Variants in TTC23 observed in about 807,000 individuals in gnomAD.
The protein encoded by TTC23 is tetratricopeptide repeat domain 23.
TTC23 carries 58 observed loss-of-function variants against 55.1 expected under a neutral mutation model. That is an observed-to-expected ratio of 1.05 (90% CI 0.85 to 1.31). TTC23 has a LOEUF of 1.31. TTC23 is among the 50% of genes most tolerant of loss of function. TTC23 has a pLI of 0.00. For missense variants in TTC23, 516 were observed against 534.4 expected (o/e 0.97, Z 0.34); for synonymous variants, 203 against 199.9 (o/e 1.02, Z -0.13).
rs201370669 is a variant in TTC23, at chr15:99,182,246, T to A, written c.760-7091A>T. Among the ~76,000 whole-genome samples, 499 of 112,724 alleles carry A rather than the reference T, an allele frequency of 4.4e-3. 2 individuals carry two copies. Among genetic ancestry groups the A allele is most frequent in the Non-Finnish European group, 5.3e-3 (285 of 53,530 alleles). The allele number at this position is 112,724 out of a possible 152,430, so 74.0% of individuals were successfully genotyped here. A position where few individuals can be genotyped will look rare whatever the true frequency, so the allele number is the denominator to read the frequency against. ...AAATCTCTCTCTCTCTCTCTCTCTC[T>A]CTCACACACACACACACACACACAC... On this transcript the variant is annotated intron_variant, in intron 9 of 13. Transcript: ENST00000394132.
At chr15:99,177,803 T>C (rs1051937671) in intron 9 of TTC23, among the ~76,000 whole-genome samples, 4 of 152,238 alleles carry the variant, frequency 2.6e-5, no homozygotes, top group Non-Finnish European at 5.9e-5. Flanking sequence ...AATAATTACA[T>C]GTTCTGAAAA....
chr15:99,196,534 T>A (rs2075727284), intron 9 of TTC23, among the ~76,000 whole-genome samples: 2 of 152,206 alleles, frequency 1.3e-5, no homozygotes, highest in Non-Finnish European at 2.9e-5. Flanking sequence ...CACAGCGACC[T>A]AGGCCAGAAA....
intron 12 of TTC23, among the ~76,000 whole-genome samples, chr15:99,153,979 A>G (rs2070198131): frequency 1.3e-5 from 2 of 152,258 alleles, no homozygotes; most frequent in African/African-American, 4.8e-5. Flanking sequence ...ATCTGAAAAT[A>G]TAAGTGAAAT....
chr15:99,197,459 AAAAAG>A (rs2075839737), intron 9 of TTC23, among the ~76,000 whole-genome samples: 2 of 152,318 alleles, frequency 1.3e-5, no homozygotes, highest in African/African-American at 4.8e-5. Context: ...TCAATGAAAG[AAAAAG>A]AAAAGAAAAA....
intron 12 of TTC23, among the ~76,000 whole-genome samples, chr15:99,150,404 CA>C (rs2069549583): frequency 6.6e-6 from 1 of 152,120 alleles, no homozygotes; most frequent in East Asian, 1.9e-4. Flanking sequence ...GAGCAAGGCT[CA>C]AAAAATTTTC....
chr15:99,246,731 C>T (rs1221641059), intron 1 of TTC23, among the ~76,000 whole-genome samples: 1 of 151,804 alleles, frequency 6.6e-6, no homozygotes, highest in Non-Finnish European at 1.5e-5. Flanking sequence ...CCTGCCTGGC[C>T]AACATGGTGA....
intron 10 of TTC23, 67 bp downstream of exon 10, chr15:99,174,983 T>C (rs2073374571): frequency 6.9e-7 from 1 of 1,440,000 alleles, no homozygotes; most frequent in Non-Finnish European, 9.6e-7. Flanking sequence ...TGTTAACCCA[T>C]CTAGAAGGCA....
Position 99,139,342 on chromosome 15 carries a change from G to C in TTC23, c.1201C>G (p.Gln401Glu). 6.2e-7 allele frequency: 1 copy of C among 1,613,728 alleles called. No homozygotes were observed. Among genetic ancestry groups the C allele is most frequent in the Non-Finnish European group, 8.5e-7 (1 of 1,180,032 alleles). Residue 401 changes from glutamine to glutamate, a missense_variant, in exon 13 of 14, where the codon CAG becomes GAG. Physicochemically the swap from Gln to Glu is conservative, Grantham distance 29. Coordinates refer to ENST00000394132, the MANE Select transcript of TTC23 (RefSeq NM_001288615.3). Reference sequence around the variant, plus strand: ...GTGGACAGCATGCCCATGGCCTGCTGGGTGGCCAGAGTCCTTTTGTCCTGC... The same window carrying C: ...GTGGACAGCATGCCCATGGCCTGCTCGGTGGCCAGAGTCCTTTTGTCCTGC... ...GPQDKRTLAT[Q>E]QAMGMLSTAP...
chr15:99,184,137 T>G (rs1196718766), intron 9 of TTC23, among the ~76,000 whole-genome samples: 2 of 152,108 alleles, frequency 1.3e-5, no homozygotes, highest in Non-Finnish European at 2.9e-5. Context: ...TGCCTGGGTG[T>G]CCAGGCAGAA....
intron 9 of TTC23, 112 bp downstream of exon 9, chr15:99,199,807 C>G: frequency 1.8e-6 from 2 of 1,118,810 alleles, no homozygotes; most frequent in South Asian, 1.7e-5. Flanking sequence ...AACTGTTGTC[C>G]TTATCTAGAG....
At chr15:99,217,833 G>A (rs1028328815) in intron 8 of TTC23, among the ~76,000 whole-genome samples, 3 of 152,306 alleles carry the variant, frequency 2.0e-5, no homozygotes, top group South Asian at 2.1e-4. Flanking sequence ...AAATGATTCC[G>A]TGGGTTCTCT....
intron 12 of TTC23, among the ~76,000 whole-genome samples, chr15:99,142,014 C>T (rs1228187159): frequency 6.6e-6 from 1 of 152,180 alleles, no homozygotes; most frequent in Non-Finnish European, 1.5e-5. Flanking sequence ...GGACCTTGGC[C>T]TGGCCTAGGC....
chr15:99,175,256 C>A lies in TTC23; in HGVS notation c.760-101G>T, dbSNP rs2073411561. Reference sequence around the variant, plus strand: ...GATAAGCAGAAAGCCAAGGAACTTTCCAGCAAGCTAGAAGAAATGATTTAT... The same window carrying A: ...GATAAGCAGAAAGCCAAGGAACTTTACAGCAAGCTAGAAGAAATGATTTAT... On this transcript the variant is annotated intron_variant, in intron 9 of 13. Coordinates refer to ENST00000394132, the MANE Select transcript of TTC23 (RefSeq NM_001288615.3). The A allele has an allele frequency of 4.5e-6, 4 of 893,130 alleles. No homozygotes were observed. The East Asian group carries it at 1.1e-4, about 24-fold the overall frequency. 55.3% of individuals were successfully genotyped at this position (893,130 alleles called of 1,614,324 possible). A position where few individuals can be genotyped will look rare whatever the true frequency, so the allele number is the denominator to read the frequency against.
At chr15:99,248,901 G>C (rs1216871421) in intron 1 of TTC23, among the ~76,000 whole-genome samples, 1 of 151,892 alleles carries the variant, frequency 6.6e-6, no homozygotes, top group Non-Finnish European at 1.5e-5. Flanking sequence ...AGTATGTTTT[G>C]TTCAGCCATT....
intron 12 of TTC23, among the ~76,000 whole-genome samples, chr15:99,143,122 G>A (rs1384632578): frequency 1.3e-5 from 2 of 152,208 alleles, no homozygotes; most frequent in East Asian, 1.9e-4. Context: ...TGATTACAGT[G>A]TAAGAGCAGG....
chr15:99,229,063 T>C (rs542638408), intron 4 of TTC23, among the ~76,000 whole-genome samples: 12 of 150,700 alleles, frequency 8.0e-5, no homozygotes, highest in Admixed American at 7.4e-4. Context: ...GCCTAGCACA[T>C]ACATATGTAT....
chr15:99,234,167 A>G (rs1040771589), intron 4 of TTC23, among the ~76,000 whole-genome samples: 2 of 152,198 alleles, frequency 1.3e-5, no homozygotes, highest in Non-Finnish European at 2.9e-5. Context: ...AAAGAACAAC[A>G]TAACCAATTG....
intron 2 of TTC23, among the ~76,000 whole-genome samples, chr15:99,243,049 A>G (rs567811992): frequency 6.6e-6 from 1 of 152,348 alleles, no homozygotes; most frequent in African/African-American, 2.4e-5. Flanking sequence ...AACAATCAAC[A>G]AAGTGAAGAG....
At chr15:99,155,896 A>C (rs1411931103) in intron 12 of TTC23, 9 of 541,810 alleles carry the variant, frequency 1.7e-5, no homozygotes, top group Non-Finnish European at 2.9e-5. Context: ...GATCAATTGT[A>C]CTACGTAAAA....
Sources: allele counts gnomAD v4.1 joint callset (sites outside exome capture counted in the v4.1 genomes callset), GRCh38; gene constraint gnomAD v4.1.1; transcripts MANE v1.5; gene names NCBI Gene and HGNC (gene_info 2026-07-23, HGNC 2026-07-21).